Variants in EPS15 observed in about 807,000 individuals in gnomAD.
The protein encoded by EPS15 is epidermal growth factor receptor substrate 15.
EPS15 carries 72 observed loss-of-function variants against 113.8 expected under a neutral mutation model. That is an observed-to-expected ratio of 0.63 (90% CI 0.52 to 0.77). The LOEUF is 0.77. Ranked by LOEUF, EPS15 falls within the 30% of genes least tolerant of loss-of-function variation. The pLI, the probability that EPS15 is intolerant of heterozygous loss-of-function variation, is 0.00. For missense variants in EPS15, 1,048 were observed against 1,045.8 expected (o/e 1.00, Z -0.03); for synonymous variants, 344 against 363.4 (o/e 0.95, Z 0.61).
intron 21 of EPS15, among the ~76,000 whole-genome samples, chr1:51,379,072 T>C (rs1309704530): frequency 1.3e-5 from 2 of 152,194 alleles, no homozygotes; most frequent in East Asian, 3.8e-4. Context: ...GATAGCACTG[T>C]GAAAGTAGTG....
At chr1:51,500,153 C>G (rs372383797) in intron 1 of EPS15, among the ~76,000 whole-genome samples, 2 of 152,150 alleles carry the variant, frequency 1.3e-5, no homozygotes, top group South Asian at 4.1e-4. Flanking sequence ...AAAAATACTC[C>G]GTTGCATGTA....
chr1:51,361,468 C>G, intron 23 of EPS15, 113 bp from the exon 24 acceptor site: 1 of 703,956 alleles, frequency 1.4e-6, no homozygotes, highest in Non-Finnish European at 2.3e-6. Context: ...GATTGAGTAC[C>G]TAAAACACAT....
intron 15 of EPS15, 66 bp from the exon 16 acceptor site, chr1:51,406,174 C>T: frequency 7.4e-7 from 1 of 1,353,538 alleles, no homozygotes; most frequent in South Asian, 1.3e-5. Context: ...CATAAAAACG[C>T]CCTCCTCCAC....
intron 21 of EPS15, chr1:51,372,939 G>T: frequency 1.6e-6 from 1 of 622,796 alleles, no homozygotes. Context: ...CAGATCATTA[G>T]CTGCAGGAAG....
At position 51,361,151 on chromosome 1, in the gene EPS15, A is replaced by C; in HGVS notation, c.2544+20T>G. 1 of 1,575,026 alleles carries C rather than the reference A, an allele frequency of 6.3e-7. No homozygotes were observed. On this transcript the variant is annotated intron_variant, in intron 24 of 24. Transcript: ENST00000371733. ...CTCTTTAAAGATTTCTCCCCCAAAC[A>C]GCTCATTCACAGTACTTACAGCACT...
intron 1 of EPS15, among the ~76,000 whole-genome samples, chr1:51,507,315 T>C (rs1047296506): frequency 6.6e-6 from 1 of 152,132 alleles, no homozygotes; most frequent in African/African-American, 2.4e-5. Context: ...TCAATTAATA[T>C]GCTCCAAAGA....
intron 11 of EPS15, among the ~76,000 whole-genome samples, chr1:51,444,012 CA>C (rs1224598116): frequency 6.6e-6 from 1 of 151,984 alleles, no homozygotes; most frequent in African/African-American, 2.4e-5. Context: ...AAAATTAATG[CA>C]AAACCCAAAA....
chr1:51,501,572 G>A (rs545773449), intron 1 of EPS15, among the ~76,000 whole-genome samples: 132 of 151,566 alleles, frequency 8.7e-4, no homozygotes, highest in South Asian at 3.6e-3. Flanking sequence ...CTCGCCTCCC[G>A]GGTTCAAGCG....
intron 1 of EPS15, among the ~76,000 whole-genome samples, chr1:51,507,066 GC>G (rs1644511405): frequency 6.6e-6 from 1 of 152,062 alleles, no homozygotes; most frequent in Non-Finnish European, 1.5e-5. Context: ...GTTAACCCTT[GC>G]TGCTGTCTGC....
rs1315074496 is a variant in EPS15, at chr1:51,409,700, A to T, written c.1114-4T>A. 6.3e-7 allele frequency: 1 copy of T among 1,580,698 alleles called. No homozygotes were observed. Among genetic ancestry groups the T allele is most frequent in the Admixed American group, 1.8e-5 (1 of 55,562 alleles). On this transcript the variant is annotated splice_region_variant and splice_polypyrimidine_tract_variant and intron_variant, in intron 13 of 24. Transcript: ENST00000371733. ...TTTGAACTTCATCTTGAAGATCCTAAAATCCAAGAAAATTAATATATTTAT... is the reference window on the plus strand; with the variant it reads ...TTTGAACTTCATCTTGAAGATCCTATAATCCAAGAAAATTAATATATTTAT...
intron 11 of EPS15, among the ~76,000 whole-genome samples, chr1:51,441,662 G>A (rs1256910978): frequency 2.0e-5 from 3 of 152,038 alleles, no homozygotes; most frequent in African/African-American, 7.2e-5. Flanking sequence ...AATTCACTAA[G>A]CACTTTAAAT....
intron 2 of EPS15, among the ~76,000 whole-genome samples, chr1:51,473,327 G>A (rs1378101836): frequency 2.6e-5 from 4 of 152,176 alleles, no homozygotes; most frequent in African/African-American, 4.8e-5. Flanking sequence ...TCTGACAAAT[G>A]GGAATAGTTG....
At position 51,357,426 on chromosome 1, in the gene EPS15, A is replaced by ATATATT. The variant is rs1443627608; in HGVS notation, c.2545-581_2545-580insAATATA. Among the ~76,000 whole-genome samples the ATATATT allele has an allele frequency of 1.0e-3, 56 of 53,522 alleles. 1 individual carries two copies. The highest frequency in any genetic ancestry group is 1.9e-3 in the African/African-American group (20 of 10,374). 35.1% of individuals were successfully genotyped at this position (53,522 alleles called of 152,430 possible). A position where few individuals can be genotyped will look rare whatever the true frequency, so the allele number is the denominator to read the frequency against. ...TATATATATATATATATATATATAT[A>ATATATT]TTTTTTTTTTTTAAATGTGATATAT... On this transcript the variant is annotated intron_variant, in intron 24 of 24. Transcript: ENST00000371733.
In EPS15 at chr1:51,463,595, A is replaced by T. The variant is rs964820022; in HGVS notation, c.501+78T>A. The T allele has an allele frequency of 1.1e-4, 80 of 737,016 alleles. No homozygotes were observed. The African/African-American group carries it at 1.3e-3, about 12-fold the overall frequency. The allele number at this position is 737,016 out of a possible 1,614,324, so 45.7% of individuals were successfully genotyped here. ...TAAGATTTGTATATTTTTAACAAAG[A>T]GTTATACATGCTCCTGGCATAATAG... On this transcript the variant is annotated intron_variant, in intron 7 of 24. Transcript: ENST00000371733.
chr1:51,410,561 A>AC (rs1314638429), intron 13 of EPS15, among the ~76,000 whole-genome samples: 1 of 152,208 alleles, frequency 6.6e-6, no homozygotes, highest in Non-Finnish European at 1.5e-5. Context: ...TACATACCAG[A>AC]CCTCATGCTT....
intron 10 of EPS15, among the ~76,000 whole-genome samples, chr1:51,445,650 A>G (rs1242815919): frequency 1.3e-5 from 2 of 152,182 alleles, no homozygotes; most frequent in African/African-American, 4.8e-5. Context: ...ATTAAAAAAA[A>G]AAAAAGCTCA....
chr1:51,393,440 G>GATCT (rs1186520082), intron 21 of EPS15, among the ~76,000 whole-genome samples: 4 of 152,180 alleles, frequency 2.6e-5, no homozygotes, highest in Non-Finnish European at 4.4e-5. Flanking sequence ...GACCTCAAGT[G>GATCT]ATCTACCTGC....
chr1:51,517,947 C>G, intron 1 of EPS15, among the ~76,000 whole-genome samples: 1 of 152,174 alleles, frequency 6.6e-6, no homozygotes, highest in East Asian at 1.9e-4. Flanking sequence ...ACACAGAAAA[C>G]TCCACTGCCG....
chr1:51,405,731 T>C (rs1649051641), intron 16 of EPS15, among the ~76,000 whole-genome samples, 174 bp downstream of exon 16: 1 of 150,868 alleles, frequency 6.6e-6, no homozygotes, highest in Non-Finnish European at 1.5e-5. Context: ...AGTTATCTTT[T>C]TATACTAGTT....
Sources: gnomAD v4.1 joint callset for allele counts (sites outside exome capture counted in the v4.1 genomes callset) on GRCh38, gnomAD v4.1.1 for gene constraint, MANE v1.5 for transcripts, NCBI Gene and HGNC (gene_info 2026-07-23, HGNC 2026-07-21) for gene names.